Variants in CSMD1 observed in about 807,000 individuals in gnomAD.
The protein encoded by CSMD1 is CUB and Sushi multiple domains 1, also known as CUB and sushi domain-containing protein 1.
CSMD1 carries 213 observed loss-of-function variants against 417.5 expected under a neutral mutation model. That is an observed-to-expected ratio of 0.51 (90% CI 0.46 to 0.57). CSMD1 has a LOEUF of 0.57. Among genes scored for constraint, CSMD1 ranks in the 20% least tolerant of loss-of-function variants. CSMD1 has a pLI of 0.00. For synonymous variants in CSMD1, 2,862 were observed against 1,736.8 expected, an observed-to-expected ratio of 1.65 and a Z score of -16.11; for missense variants, 6,923 against 4,529.7, an observed-to-expected ratio of 1.53 and a Z score of -15.17.
Position 4,617,060 on chromosome 8 carries a change from T to C in CSMD1, c.302+20282A>G, listed in dbSNP as rs551454477. Among the ~76,000 whole-genome samples the C allele has an allele frequency of 2.8e-4, 42 of 152,216 alleles. No homozygotes were observed. The South Asian group carries it at 7.7e-3, about 28-fold the overall frequency. The stretch of plus-strand genomic sequence containing the variant: ...AATTGATGATAGTTTAATCTTATTT[T>C]TATAAATAATAGATGTTAAGACTCT... On this transcript the variant is annotated intron_variant, in intron 2 of 69. Transcript: ENST00000635120.
At chr8:4,377,818 G>A (rs1031622038) in intron 3 of CSMD1, among the ~76,000 whole-genome samples, 2 of 152,146 alleles carry the variant, frequency 1.3e-5, no homozygotes, top group Non-Finnish European at 1.5e-5. Context: ...GTTTAGCTTT[G>A]TGTATAAATA....
rs142612456 is a variant in CSMD1, at chr8:4,891,836, G to A, written c.85+102496C>T. ...TAAATGCATTTACATTATTTGTGTAGACTATACACCTTGTATTATCCATTG... is the reference window on the plus strand; with the variant it reads ...TAAATGCATTTACATTATTTGTGTAAACTATACACCTTGTATTATCCATTG... On this transcript the variant is annotated intron_variant, in intron 1 of 69. Transcript: ENST00000635120. Among the ~76,000 whole-genome samples, 37 of 152,158 alleles carry A rather than the reference G, an allele frequency of 2.4e-4. No individual in the cohort carries two copies. The East Asian group carries it at 6.0e-3, about 25-fold the overall frequency.
In CSMD1 at chr8:3,626,821, T is replaced by G. The variant is rs144935935; in HGVS notation, c.1010-10024A>C. On this transcript the variant is annotated intron_variant, in intron 7 of 69. Transcript: ENST00000635120. ...TAATACTATGTATACTAAATATAAT[T>G]TATATATCAAAGTAAATATATACAA... 1.1e-3 allele frequency among the ~76,000 whole-genome samples: 162 copies of G among 149,722 alleles called. 3 individuals carry two copies. The East Asian group carries it at 0.012, about 11-fold the overall frequency.
At position 4,420,060 on chromosome 8, in the gene CSMD1, G is replaced by A; in HGVS notation, c.308C>T (p.Ser103Leu). 1.9e-6 allele frequency: 3 copies of A among 1,555,984 alleles called. No individual in the cohort carries two copies. Among genetic ancestry groups the A allele is most frequent in the Non-Finnish European group, 1.7e-6 (2 of 1,147,194 alleles). ...TATAGAGGAGGGCAGCTGAAATCCCGATAATCTAAATTTAAAAGACAAGAC... is the reference window on the plus strand; with the variant it reads ...TATAGAGGAGGGCAGCTGAAATCCCAATAATCTAAATTTAAAAGACAAGAC... ...PQQGNLKVRL[S>L]GFQLPSSIVS... The change falls in exon 3 of 70, where the codon TCG becomes TTG. Residue 103 changes from serine (S) to leucine (L), a missense_variant. Transcript: ENST00000635120.
intron 15 of CSMD1, among the ~76,000 whole-genome samples, chr8:3,400,637 G>A (rs1284946505): frequency 6.6e-6 from 1 of 151,876 alleles, no homozygotes; most frequent in African/African-American, 2.4e-5. Context: ...GTTGATATGG[G>A]AAAATCTTTG....
In CSMD1 at chr8:3,900,315, G is replaced by A. The variant is rs1017451249; in HGVS notation, c.818+97588C>T. On this transcript the variant is annotated intron_variant, in intron 5 of 69. Coordinates refer to ENST00000635120, the MANE Select transcript of CSMD1 (RefSeq NM_033225.6). ...CGTGACACTGTAGCTGGGTGACAGT[G>A]CAGCTGGATGACACTACAGCTGGGT... is the stretch of plus-strand genomic sequence containing the variant. Among the ~76,000 whole-genome samples, 7 of 151,652 alleles carry A rather than the reference G, an allele frequency of 4.6e-5. No individual in the cohort carries two copies. The South Asian group carries it at 1.5e-3, about 32-fold the overall frequency.
intron 2 of CSMD1, among the ~76,000 whole-genome samples, chr8:4,479,024 G>A (rs532776702): frequency 1.3e-5 from 2 of 152,182 alleles, no homozygotes; most frequent in South Asian, 4.2e-4. Context: ...CAATTCCTAG[G>A]GAAGATAACA....
chr8:4,012,986 C>G (rs562251803), intron 4 of CSMD1, among the ~76,000 whole-genome samples: 75 of 152,264 alleles, frequency 4.9e-4, no homozygotes, highest in Middle Eastern at 3.4e-3. Flanking sequence ...TCTCAAGTAA[C>G]AACACCTCTC....
Position 3,774,152 on chromosome 8 carries a change from G to C in CSMD1, c.819-20110C>G, listed in dbSNP as rs150461013. Among the ~76,000 whole-genome samples the C allele has an allele frequency of 5.6e-3, 846 of 152,250 alleles. 11 individuals are homozygous for C. Among genetic ancestry groups the C allele is most frequent in the African/African-American group, 0.019 (795 of 41,550 alleles). On this transcript the variant is annotated intron_variant, in intron 5 of 69. Coordinates refer to ENST00000635120, the MANE Select transcript of CSMD1 (RefSeq NM_033225.6). ...TGAGCATAAATTTACGCTGCACAAA[G>C]TGTTATCTAAAGCCTTTTGTGACCT...
At chr8:4,304,660 C>G (rs1326968053) in intron 3 of CSMD1, among the ~76,000 whole-genome samples, 3 of 152,136 alleles carry the variant, frequency 2.0e-5, no homozygotes, top group African/African-American at 7.2e-5. Context: ...CCAAATAATG[C>G]ACCTATCAGC....
chr8:4,776,354 C>G (rs1267904767), intron 1 of CSMD1, among the ~76,000 whole-genome samples: 1 of 152,106 alleles, frequency 6.6e-6, no homozygotes, highest in Admixed American at 6.6e-5. Flanking sequence ...AAGTTTTGAA[C>G]AACTGCACAG....
At chr8:4,093,330 T>C (rs1800819412) in intron 3 of CSMD1, among the ~76,000 whole-genome samples, 1 of 152,206 alleles carries the variant, frequency 6.6e-6, no homozygotes, top group Non-Finnish European at 1.5e-5. Context: ...TTCCATGAAG[T>C]AAATACAAAT....
intron 11 of CSMD1, among the ~76,000 whole-genome samples, chr8:3,485,821 A>T (rs982482016): frequency 1.3e-5 from 2 of 149,024 alleles, no homozygotes. Flanking sequence ...ATAAAATAAA[A>T]TAAAATAAAA....
At chr8:3,675,202 G>A (rs1400132000) in intron 7 of CSMD1, among the ~76,000 whole-genome samples, 1 of 152,068 alleles carries the variant, frequency 6.6e-6, no homozygotes, top group Non-Finnish European at 1.5e-5. Context: ...CTCACAGAAG[G>A]CCTGACCACA....
intron 3 of CSMD1, among the ~76,000 whole-genome samples, chr8:4,112,500 G>C (rs538068949): frequency 1.2e-4 from 18 of 152,258 alleles, no homozygotes; most frequent in African/African-American, 3.9e-4. Flanking sequence ...GACCCATCCT[G>C]AATACAGGAA....
intron 6 of CSMD1, among the ~76,000 whole-genome samples, chr8:3,732,256 C>G (rs576233882): frequency 6.6e-5 from 10 of 152,260 alleles, no homozygotes; most frequent in South Asian, 6.2e-4. Context: ...GGCAATTACT[C>G]GATACAAAGC....
intron 5 of CSMD1, among the ~76,000 whole-genome samples, chr8:3,932,375 G>C (rs1810210512): frequency 1.3e-5 from 2 of 150,470 alleles, no homozygotes; most frequent in Admixed American, 1.3e-4. Context: ...AGGCACTTGG[G>C]TGTTTTGCTA....
intron 2 of CSMD1, among the ~76,000 whole-genome samples, chr8:4,542,543 G>C (rs1797438530): frequency 6.6e-6 from 1 of 152,106 alleles, no homozygotes; most frequent in Non-Finnish European, 1.5e-5. Flanking sequence ...CAAATTAGAA[G>C]ATAAAAGGGT....
chr8:3,824,751 G>T (rs942487624), intron 5 of CSMD1, among the ~76,000 whole-genome samples: 2 of 152,022 alleles, frequency 1.3e-5, no homozygotes, highest in Non-Finnish European at 2.9e-5. Flanking sequence ...ATGAGATGTG[G>T]CTCACATTGG....
Sources: gnomAD v4.1 joint callset for allele counts (sites outside exome capture counted in the v4.1 genomes callset) on GRCh38, gnomAD v4.1.1 for gene constraint, MANE v1.5 for transcripts, NCBI Gene and HGNC (gene_info 2026-07-23, HGNC 2026-07-21) for gene names.